ANKRD55: variants seen among roughly 807,000 people sequenced by gnomAD.
ANKRD55 encodes ankyrin repeat domain 55.
In ANKRD55, 41 loss-of-function variants were observed where a neutral mutation model predicts 60.6. The observed-to-expected ratio is 0.68, with a 90% CI of 0.53 to 0.88. The LOEUF is 0.88. Ranked by LOEUF, ANKRD55 falls within the 40% of genes least tolerant of loss-of-function variation. The probability of loss-of-function intolerance (pLI) is 0.00; values close to 1 mark genes in which losing one functional copy is unlikely to be tolerated. For missense variants in ANKRD55, 732 were observed against 767.6 expected, an observed-to-expected ratio of 0.95 and a Z score of 0.55; for synonymous variants, 264 against 290.3, an observed-to-expected ratio of 0.91 and a Z score of 0.92.
chr5:56,197,057 C>T (rs1372253044), intron 2 of ANKRD55, among the ~76,000 whole-genome samples: 1 of 152,148 alleles, frequency 6.6e-6, no homozygotes, highest in Non-Finnish European at 1.5e-5. Flanking sequence ...ACTGCCAATA[C>T]CTACATGATT....
chr5:56,131,482 C>G (rs1757409712), intron 7 of ANKRD55, among the ~76,000 whole-genome samples: 1 of 151,936 alleles, frequency 6.6e-6, no homozygotes, highest in Non-Finnish European at 1.5e-5. Flanking sequence ...ACTGGTAGAC[C>G]TGCATTGTAC....
chr5:56,149,307 A>G (rs1157289863), intron 6 of ANKRD55, among the ~76,000 whole-genome samples: 1 of 152,192 alleles, frequency 6.6e-6, no homozygotes, highest in Non-Finnish European at 1.5e-5. Context: ...AGGGCTGCTA[A>G]TAACGACACT....
intron 7 of ANKRD55, among the ~76,000 whole-genome samples, chr5:56,135,274 CCCTCCCTGCCTGCCTGCTTG>C (rs879286462): frequency 0.011 from 1,023 of 97,378 alleles, 39 homozygotes; most frequent in Non-Finnish European, 0.015. Flanking sequence ...TTCCCTCCCT[CCCTCCCTGCCTGCCTGCTTG>C]CTTTCTTTCT....
chr5:56,231,474 A>G (rs1760250086), intron 2 of ANKRD55, among the ~76,000 whole-genome samples: 1 of 152,172 alleles, frequency 6.6e-6, no homozygotes. Context: ...GCTTAGCAAC[A>G]TCATTTTTCA....
chr5:56,176,892 A>C (rs1338000634), intron 3 of ANKRD55, among the ~76,000 whole-genome samples: 1 of 152,234 alleles, frequency 6.6e-6, no homozygotes, highest in African/African-American at 2.4e-5. Context: ...AGCCAGCCTC[A>C]TGAAGCAGGA....
chr5:56,102,076 C>G (rs564953880), intron 11 of ANKRD55, among the ~76,000 whole-genome samples: 6 of 151,968 alleles, frequency 3.9e-5, no homozygotes, highest in Non-Finnish European at 8.8e-5. Flanking sequence ...AGTGTTGGCA[C>G]CTGATGTTCC....
intron 9 of ANKRD55, among the ~76,000 whole-genome samples, chr5:56,113,695 G>A (rs1469836149): frequency 6.6e-6 from 1 of 152,128 alleles, no homozygotes; most frequent in Non-Finnish European, 1.5e-5. Flanking sequence ...AAGTGAGGGT[G>A]AGGTGGGGGA....
Position 56,209,466 on chromosome 5 carries a change from C to CT in ANKRD55, c.58+23389dup, listed in dbSNP as rs60256412. On this transcript the variant is annotated intron_variant, in intron 2 of 11. Transcript: ENST00000341048. Reference sequence around the variant, plus strand: ...TACCAAAACATTTTTACATGTATATCTTTTTTTTTTTTTTTTTTGAGACGG... The same window carrying CT: ...TACCAAAACATTTTTACATGTATATCTTTTTTTTTTTTTTTTTTTGAGACGG... 5.5e-3 allele frequency among the ~76,000 whole-genome samples: 733 copies of CT among 132,322 alleles called. 6 individuals carry two copies. The highest frequency in any genetic ancestry group is 0.013 in the African/African-American group (435 of 33,008). The allele number at this position is 132,322 out of a possible 152,430, so 86.8% of individuals were successfully genotyped here. A position where few individuals can be genotyped will look rare whatever the true frequency, so the allele number is the denominator to read the frequency against.
intron 5 of ANKRD55, among the ~76,000 whole-genome samples, chr5:56,166,199 T>TTCCTTCCGTC (rs769664867): frequency 1.0e-5 from 1 of 96,062 alleles, no homozygotes; most frequent in Non-Finnish European, 1.9e-5. Context: ...CCTTCCTTCC[T>TTCCTTCCGTC]TCTCTCTCTC....
At chr5:56,158,722 G>C (rs1758254779) in intron 6 of ANKRD55, among the ~76,000 whole-genome samples, 1 of 152,176 alleles carries the variant, frequency 6.6e-6, no homozygotes, top group Non-Finnish European at 1.5e-5. Context: ...GGGACAGGAT[G>C]TCACTCTGTC....
chr5:56,154,658 C>A (rs1346801600), intron 6 of ANKRD55, among the ~76,000 whole-genome samples: 1 of 143,336 alleles, frequency 7.0e-6, no homozygotes, highest in African/African-American at 2.6e-5. Flanking sequence ...CATCTCAGAT[C>A]ACTGCAACCT....
In ANKRD55 at chr5:56,102,095, A is replaced by G. The variant is rs575385368; in HGVS notation, c.1723+399T>C. Among the ~76,000 whole-genome samples, 184 of 152,244 alleles carry G rather than the reference A, an allele frequency of 1.2e-3. 1 individual carries two copies. Among genetic ancestry groups the G allele is most frequent in the Non-Finnish European group, 4.0e-4 (27 of 68,016 alleles). The stretch of plus-strand genomic sequence containing the variant: ...TTGGCACCTGATGTTCCCTTGAAAA[A>G]TGAAAGTAGGGCTGGGCGTGGTGGC... On this transcript the variant is annotated intron_variant, in intron 11 of 11. Transcript: ENST00000341048.
chr5:56,200,551 A>G (rs149326449), intron 2 of ANKRD55, among the ~76,000 whole-genome samples: 9 of 152,332 alleles, frequency 5.9e-5, no homozygotes, highest in African/African-American at 1.9e-4. Flanking sequence ...TCCTTAGAGT[A>G]TCTCAAGTTT....
chr5:56,137,600 G>A (rs1431371119), intron 7 of ANKRD55: 2 of 630,904 alleles, frequency 3.2e-6, no homozygotes, highest in African/African-American at 1.9e-5. Context: ...GATAACAGGA[G>A]CAAAATTGAG....
At chr5:56,127,439 A>G (rs1332836289) in intron 7 of ANKRD55, 1 of 985,138 alleles carries the variant, frequency 1.0e-6, no homozygotes, top group Non-Finnish European at 1.2e-6. Context: ...CCACCTAGAC[A>G]ACAACTTGCT....
chr5:56,232,820 C>A (rs771679917), intron 2 of ANKRD55, 36 bp downstream of exon 2: 4 of 1,602,366 alleles, frequency 2.5e-6, no homozygotes, highest in Admixed American at 1.7e-5. Flanking sequence ...ACTAAGGATG[C>A]TAACAACCAA....
intron 8 of ANKRD55, among the ~76,000 whole-genome samples, chr5:56,121,113 T>G (rs1757035172): frequency 1.3e-5 from 2 of 151,958 alleles, no homozygotes; most frequent in Non-Finnish European, 2.9e-5. Context: ...TCATCTGACC[T>G]GAAGGGATAA....
intron 2 of ANKRD55, among the ~76,000 whole-genome samples, chr5:56,212,914 A>T (rs949756303): frequency 6.6e-6 from 1 of 152,240 alleles, no homozygotes; most frequent in Non-Finnish European, 1.5e-5. Context: ...ATTAAATAAC[A>T]TAAGGGGGAA....
intron 5 of ANKRD55, chr5:56,161,945 C>G (rs773470981): frequency 8.5e-5 from 83 of 981,510 alleles, no homozygotes; most frequent in Non-Finnish European, 9.7e-5. Context: ...GGATATATTT[C>G]CCTGTGGCTG....
Sources: gnomAD v4.1 joint callset for allele counts (sites outside exome capture counted in the v4.1 genomes callset) on GRCh38, gnomAD v4.1.1 for gene constraint, MANE v1.5 for transcripts, NCBI Gene and HGNC (gene_info 2026-07-23, HGNC 2026-07-21) for gene names.